Variants in IL1RAPL2 observed in about 807,000 individuals in gnomAD.
IL1RAPL2 encodes X-linked interleukin-1 receptor accessory protein-like 2.
IL1RAPL2 carries 3 observed loss-of-function variants against 44.1 expected under a neutral mutation model. The ratio of observed to expected loss-of-function variants is 0.07; its 90% CI spans 0.03 to 0.18. The LOEUF is 0.18. IL1RAPL2 is among the 10% of genes least tolerant of loss of function. The pLI, the probability that IL1RAPL2 is intolerant of heterozygous loss-of-function variation, is 1.00. For missense variants in IL1RAPL2, 391 were observed against 496.4 expected (o/e 0.79, Z 2.02); for synonymous variants, 181 against 178.8 (o/e 1.01, Z -0.10).
chrX:104,906,503 T>A (rs1430462462), intron 2 of IL1RAPL2, among the ~76,000 whole-genome samples: 1 of 111,123 alleles, frequency 9.0e-6, no homozygotes, highest in Non-Finnish European at 1.9e-5. Flanking sequence ...TTCTTGAGAG[T>A]TTTTAGCATG....
intron 2 of IL1RAPL2, among the ~76,000 whole-genome samples, chrX:104,928,659 G>A (rs1014589479): frequency 4.5e-5 from 5 of 111,596 alleles, no homozygotes; most frequent in Admixed American, 9.6e-5. Context: ...AAGTAGCCAC[G>A]GAAATAAGCA....
intron 2 of IL1RAPL2, among the ~76,000 whole-genome samples, chrX:104,832,872 GA>G (rs1328869971): frequency 9.0e-6 from 1 of 110,833 alleles, no homozygotes; most frequent in African/African-American, 3.3e-5. Flanking sequence ...AACATCAGTT[GA>G]AAAAAAGTTG....
At chrX:105,047,069 A>G (rs1459235818) in intron 2 of IL1RAPL2, among the ~76,000 whole-genome samples, 1 of 111,008 alleles carries the variant, frequency 9.0e-6, no homozygotes, top group Admixed American at 9.7e-5. Flanking sequence ...TCCCTTGCCT[A>G]ACAGAACTTA....
intron 1 of IL1RAPL2, among the ~76,000 whole-genome samples, chrX:104,624,572 C>T (rs1929462832): frequency 9.0e-6 from 1 of 111,300 alleles, no homozygotes; most frequent in Non-Finnish European, 1.9e-5. Flanking sequence ...TGGGAGTATA[C>T]ATTGGTATTA....
chrX:104,648,654 A>G (rs1035513664), intron 1 of IL1RAPL2, among the ~76,000 whole-genome samples: 6 of 111,461 alleles, frequency 5.4e-5, no homozygotes, highest in African/African-American at 1.6e-4. Flanking sequence ...AACACCTTAT[A>G]CCTACTACTT....
rs73243892 is a variant in IL1RAPL2, at chrX:104,641,247, C to T, written c.-19-17648C>T. ...CAATATTATGCCTTTGGGAGGAGTG[C>T]TCAGGTGCCCACGGTGGTAGACTGG... On this transcript the variant is annotated intron_variant, in intron 1 of 10. Transcript: ENST00000372582. Among the ~76,000 whole-genome samples the T allele has an allele frequency of 3.1e-3, 351 of 111,487 alleles. 1 individual carries two copies. Among genetic ancestry groups the T allele is most frequent in the Non-Finnish European group, 5.7e-3 (302 of 53,031 alleles).
intron 5 of IL1RAPL2, among the ~76,000 whole-genome samples, chrX:105,318,063 C>T (rs2034862207): frequency 1.8e-5 from 2 of 109,146 alleles, no homozygotes; most frequent in East Asian, 2.9e-4. Flanking sequence ...AGCTCCGCCT[C>T]CCGGGTTCAC....
intron 3 of IL1RAPL2, among the ~76,000 whole-genome samples, chrX:105,200,004 T>C (rs1238473944): frequency 3.6e-5 from 4 of 111,676 alleles, no homozygotes; most frequent in African/African-American, 6.5e-5. Flanking sequence ...CACTGACTTC[T>C]ACTATGTGCC....
At chrX:105,676,922 T>C (rs2037877887) in intron 6 of IL1RAPL2, among the ~76,000 whole-genome samples, 1 of 112,108 alleles carries the variant, frequency 8.9e-6, no homozygotes, top group South Asian at 3.7e-4. Context: ...TGATCAGGTA[T>C]GACATGAAAT....
chrX:105,071,791 G>A (rs1037918758), intron 2 of IL1RAPL2, among the ~76,000 whole-genome samples: 4 of 111,900 alleles, frequency 3.6e-5, no homozygotes, highest in African/African-American at 9.7e-5. Flanking sequence ...TCTTCCATAC[G>A]TGGTGTTAGG....
At chrX:105,177,624 ACT>A (rs1204632820) in intron 2 of IL1RAPL2, among the ~76,000 whole-genome samples, 6 of 110,406 alleles carry the variant, frequency 5.4e-5, no homozygotes, top group Non-Finnish European at 1.1e-4. Context: ...GGTTTTATGA[ACT>A]CTCTGAATGG....
At chrX:105,640,684 A>G (rs772892732) in intron 6 of IL1RAPL2, among the ~76,000 whole-genome samples, 1,717 of 94,867 alleles carry the variant, frequency 0.018, 38 homozygotes, top group African/African-American at 0.063. Context: ...ATATATATAT[A>G]TATATATACA....
At chrX:104,668,962 A>AT (rs1470372853) in intron 2 of IL1RAPL2, among the ~76,000 whole-genome samples, 5 of 110,855 alleles carry the variant, frequency 4.5e-5, no homozygotes, top group Non-Finnish European at 7.6e-5. Flanking sequence ...GAATCTTTTC[A>AT]TTTTTTTCCC....
At chrX:105,289,817 G>T (rs760296179) in intron 5 of IL1RAPL2, among the ~76,000 whole-genome samples, 11 of 111,586 alleles carry the variant, frequency 9.9e-5, no homozygotes, top group Non-Finnish European at 2.1e-4. Flanking sequence ...CATGTAAGTT[G>T]TAAGCAAATC....
chrX:105,308,202 A>C (rs1307150397), intron 5 of IL1RAPL2, among the ~76,000 whole-genome samples: 1 of 111,603 alleles, frequency 9.0e-6, no homozygotes, highest in African/African-American at 3.3e-5. Context: ...TTTTCCTAAA[A>C]TAGGAAAACA....
In IL1RAPL2 at chrX:104,675,450, T is replaced by G. The variant is rs1171378562; in HGVS notation, c.82+16455T>G. On this transcript the variant is annotated intron_variant, in intron 2 of 10. Coordinates refer to ENST00000372582, the MANE Select transcript of IL1RAPL2 (RefSeq NM_017416.2). ...ATCCTGAGTTCTAGTTTGATTGCAC[T>G]GTGGTCTGAGAGATAGTTTGTTATA... Among the ~76,000 whole-genome samples the G allele has an allele frequency of 1.7e-4, 19 of 111,924 alleles. No individual in the cohort carries two copies. In the East Asian group the frequency reaches 4.8e-3, roughly 28 times the overall value.
chrX:105,043,102 G>T (rs1439314649), intron 2 of IL1RAPL2, among the ~76,000 whole-genome samples: 6 of 96,971 alleles, frequency 6.2e-5, no homozygotes, highest in Non-Finnish European at 1.2e-4. Flanking sequence ...GGGGGAGGGA[G>T]AGCATTGGGA....
intron 1 of IL1RAPL2, among the ~76,000 whole-genome samples, chrX:104,585,481 A>T (rs1379078143): frequency 1.2e-5 from 1 of 83,236 alleles, no homozygotes; most frequent in African/African-American, 4.5e-5. Flanking sequence ...GTACATGTGC[A>T]GGTTTGCTAC....
intron 5 of IL1RAPL2, among the ~76,000 whole-genome samples, chrX:105,307,357 G>A (rs1488656862): frequency 2.3e-5 from 2 of 88,737 alleles, no homozygotes; most frequent in South Asian, 1.1e-3. Flanking sequence ...GATTGCTTGA[G>A]TCCAGGAGTT....
Sources: gnomAD v4.1 joint callset for allele counts (sites outside exome capture counted in the v4.1 genomes callset) on GRCh38, gnomAD v4.1.1 for gene constraint, MANE v1.5 for transcripts, NCBI Gene and HGNC (gene_info 2026-07-23, HGNC 2026-07-21) for gene names.